Variants in PLEK2 observed in about 807,000 individuals in gnomAD.
The protein encoded by PLEK2 is pleckstrin-2.
PLEK2 carries 29 observed loss-of-function variants against 43.8 expected under a neutral mutation model. The ratio of observed to expected loss-of-function variants is 0.66; its 90% CI spans 0.49 to 0.90. PLEK2 has a LOEUF of 0.90. Ranked by LOEUF, PLEK2 falls within the 40% of genes least tolerant of loss-of-function variation. The pLI is 0.00. For missense variants in PLEK2, 398 were observed against 448.1 expected (o/e 0.89, Z 1.01); for synonymous variants, 162 against 173.2 (o/e 0.94, Z 0.51).
At chr14:67,406,843 C>T (rs981026968) in intron 1 of PLEK2, among the ~76,000 whole-genome samples, 1 of 152,250 alleles carries the variant, frequency 6.6e-6, no homozygotes, top group Admixed American at 6.5e-5. Flanking sequence ...AGTCACAGGC[C>T]GATAACACAA....
intron 1 of PLEK2, among the ~76,000 whole-genome samples, chr14:67,408,722 G>A (rs968873198): frequency 6.6e-6 from 1 of 152,126 alleles, no homozygotes; most frequent in Non-Finnish European, 1.5e-5. Context: ...GAGGCAGCAC[G>A]GCCCTGGCAA....
chr14:67,387,605 A>G, intron 8 of PLEK2, 149 bp from the exon 9 acceptor site: 1 of 808,288 alleles, frequency 1.2e-6, no homozygotes. Flanking sequence ...GAATCCTATC[A>G]GATGAGGTCC....
chr14:67,394,645 G>A (rs1227492779), intron 3 of PLEK2, among the ~76,000 whole-genome samples: 9 of 152,246 alleles, frequency 5.9e-5, no homozygotes, highest in African/African-American at 2.2e-4. Flanking sequence ...TCTTTGATGG[G>A]TGTTAACAGT....
rs1362220709 is a variant in PLEK2, at chr14:67,387,234, C to CAAAG, written c.*91_*94dup. 8.0e-7 allele frequency: 1 copy of CAAAG among 1,254,140 alleles called. No individual in the cohort carries two copies. The highest frequency in any genetic ancestry group is 1.5e-5 in the African/African-American group (1 of 64,906). The allele number at this position is 1,254,140 out of a possible 1,614,324, so 77.7% of individuals were successfully genotyped here. On this transcript the variant is annotated 3_prime_UTR_variant, in exon 9 of 9. Coordinates refer to ENST00000216446, the MANE Select transcript of PLEK2 (RefSeq NM_016445.3). ...ACTCTCCAAAGCAGTACAAAACTTA[C>CAAAG]AAAGAAGTCAAAAGTCTTAACACTC...
Position 67,401,347 on chromosome 14 carries a change from A to C in PLEK2, c.43-3521T>G, listed in dbSNP as rs2086047536. Among the ~76,000 whole-genome samples, 3 of 152,062 alleles carry C rather than the reference A, an allele frequency of 2.0e-5. No individual in the cohort carries two copies. The South Asian group carries it at 6.2e-4, about 32-fold the overall frequency. On this transcript the variant is annotated intron_variant, in intron 1 of 8. Coordinates refer to ENST00000216446, the MANE Select transcript of PLEK2 (RefSeq NM_016445.3). ...ATTAATAAAAATAAATAAATAAATA[A>C]ACAAATAAATAAAAATTAGCCAGGC...
chr14:67,392,575 C>T, intron 5 of PLEK2, 87 bp downstream of exon 5: 1 of 1,327,668 alleles, frequency 7.5e-7, no homozygotes, highest in Non-Finnish European at 1.1e-6. Context: ...AGGTCTCCTC[C>T]CATGACTGTG....
Position 67,397,652 on chromosome 14 carries a change from C to T in PLEK2, c.207+10G>A, listed in dbSNP as rs1468038570. 1 of 1,605,520 alleles carries T rather than the reference C, an allele frequency of 6.2e-7. No homozygotes were observed. Among genetic ancestry groups the T allele is most frequent in the Non-Finnish European group, 8.5e-7 (1 of 1,175,486 alleles). ...CAGAGAGGAGCTGGACAGCAGGGGC[C>T]ATCACTTACCGGTCGGTTTTCATAC... is the stretch of plus-strand genomic sequence containing the variant. On this transcript the variant is annotated intron_variant, in intron 2 of 8. Coordinates refer to ENST00000216446, the MANE Select transcript of PLEK2 (RefSeq NM_016445.3).
intron 8 of PLEK2, 116 bp downstream of exon 8, chr14:67,388,108 C>G (rs1256185114): frequency 3.0e-6 from 2 of 670,940 alleles, no homozygotes; most frequent in East Asian, 5.4e-5. Flanking sequence ...ACCACTCTGT[C>G]TCATGGAGAA....
At chr14:67,390,811 T>G in intron 6 of PLEK2, 65 bp from the exon 7 acceptor site, 1 of 1,110,568 alleles carries the variant, frequency 9.0e-7, no homozygotes, top group Non-Finnish European at 1.4e-6. Flanking sequence ...CCTGTATCTA[T>G]GCATGTAATG....
intron 1 of PLEK2, among the ~76,000 whole-genome samples, chr14:67,408,354 T>TAAAATAAAATAAAAG (rs550821518): frequency 7.4e-6 from 1 of 134,780 alleles, no homozygotes; most frequent in African/African-American, 2.8e-5. Flanking sequence ...TAAAATAAAA[T>TAAAATAAAATAAAAG]AAAAAAAGAA....
At chr14:67,403,237 T>G (rs2086060124) in intron 1 of PLEK2, among the ~76,000 whole-genome samples, 2 of 152,252 alleles carry the variant, frequency 1.3e-5, no homozygotes, top group South Asian at 4.1e-4. Flanking sequence ...GAAATGTCTA[T>G]TCAAATCTTT....
intron 1 of PLEK2, among the ~76,000 whole-genome samples, chr14:67,400,993 AAATAAT>A (rs142279546): frequency 9.3e-5 from 14 of 150,790 alleles, no homozygotes; most frequent in African/African-American, 2.7e-4. Context: ...CTGCCTCTTA[AAATAAT>A]AATAATAATA....
intron 1 of PLEK2, among the ~76,000 whole-genome samples, chr14:67,407,029 C>G (rs1429573853): frequency 6.6e-6 from 1 of 152,140 alleles, no homozygotes; most frequent in Non-Finnish European, 1.5e-5. Context: ...ACGAGGGGCC[C>G]ATAAGCTGGA....
chr14:67,394,355 C>T (rs1049866320), intron 3 of PLEK2, among the ~76,000 whole-genome samples: 1 of 152,012 alleles, frequency 6.6e-6, no homozygotes, highest in Admixed American at 6.6e-5. Context: ...ATGATCGAGC[C>T]ACTGCACTCC....
At chr14:67,411,394 C>T (rs1427029941) in intron 1 of PLEK2, among the ~76,000 whole-genome samples, 2 of 152,010 alleles carry the variant, frequency 1.3e-5, no homozygotes, top group Admixed American at 1.3e-4. Flanking sequence ...CTCAGTTTCC[C>T]CGTCTGTAAT....
intron 1 of PLEK2, among the ~76,000 whole-genome samples, chr14:67,407,895 C>G (rs1016405421): frequency 6.6e-6 from 1 of 152,164 alleles, no homozygotes; most frequent in Non-Finnish European, 1.5e-5. Context: ...TTCGCTTGAG[C>G]TCAAGAGCTC....
rs2086098800 is a variant in PLEK2 at position 67,408,908 on chromosome 14, G to A, written c.42+3110C>T. Among the ~76,000 whole-genome samples, 3 of 152,014 alleles carry A rather than the reference G, an allele frequency of 2.0e-5. No homozygotes were observed. The South Asian group carries it at 6.2e-4, about 32-fold the overall frequency. On this transcript the variant is annotated intron_variant, in intron 1 of 8. Coordinates refer to ENST00000216446, the MANE Select transcript of PLEK2 (RefSeq NM_016445.3). ...GTCATTTGGTGGGGACAGACAGGTG[G>A]TTTTCAGTTTTTTCGCCACATAAAT... is the stretch of plus-strand genomic sequence containing the variant.
At chr14:67,397,930 A>C in intron 1 of PLEK2, 104 bp from the exon 2 acceptor site, 1 of 879,228 alleles carries the variant, frequency 1.1e-6, no homozygotes, top group Non-Finnish European at 1.7e-6. Flanking sequence ...GTGCTGTGGA[A>C]ATCAGTCTCC....
chr14:67,395,625 G>C, intron 2 of PLEK2, 42 bp from the exon 3 acceptor site: 1 of 1,579,690 alleles, frequency 6.3e-7, no homozygotes, highest in Non-Finnish European at 8.7e-7. Context: ...CTCAGGCAGA[G>C]CAAGAGGACG....
Sources: allele counts gnomAD v4.1 joint callset (sites outside exome capture counted in the v4.1 genomes callset), GRCh38; gene constraint gnomAD v4.1.1; transcripts MANE v1.5; gene names NCBI Gene and HGNC (gene_info 2026-07-23, HGNC 2026-07-21).